The following TMOD3 variants were observed in gnomAD, a reference collection of about 807,000 sequenced individuals.
TMOD3 encodes the protein tropomodulin 3.
Under a neutral mutation model 39.2 loss-of-function variants are expected in TMOD3, and 20 were observed. That is an observed-to-expected ratio of 0.51 (90% confidence interval 0.36 to 0.74). The LOEUF is 0.74. Ranked by LOEUF, TMOD3 falls within the 30% of genes least tolerant of loss-of-function variation. TMOD3 has a pLI of 0.00. For missense variants in TMOD3, 381 were observed against 412.8 expected, an observed-to-expected ratio of 0.92 and a Z score of 0.67; for synonymous variants, 143 against 145.8, an observed-to-expected ratio of 0.98 and a Z score of 0.14.
chr15:51,847,688 G>T (rs2141673616), intron 1 of TMOD3, among the ~76,000 whole-genome samples: 1 of 152,300 alleles, frequency 6.6e-6, no homozygotes, highest in South Asian at 2.1e-4. Flanking sequence ...AGGGTCTGAA[G>T]CAGGAGGATC....
At chr15:51,878,368 TAAA>T (rs1374001812) in intron 3 of TMOD3, among the ~76,000 whole-genome samples, 3 of 105,250 alleles carry the variant, frequency 2.9e-5, no homozygotes, top group African/African-American at 1.1e-4. Flanking sequence ...ACCATCTCTT[TAAA>T]ATATATGTGT....
At chr15:51,890,169 ATTT>A (rs67190705) in intron 5 of TMOD3, among the ~76,000 whole-genome samples, 1 of 140,410 alleles carries the variant, frequency 7.1e-6, no homozygotes. Flanking sequence ...CTATTAGCTA[ATTT>A]TTTTTTTTTT....
rs1196875327 is a variant in TMOD3 at position 51,913,406 on chromosome 15, G to A, written c.*4596G>A. 1 of 152,136 alleles carries A rather than the reference G, an allele frequency of 6.6e-6. No individual in the cohort carries two copies. The highest frequency in any genetic ancestry group is 1.5e-5 in the Non-Finnish European group (1 of 68,020). 9.4% of individuals were successfully genotyped at this position (152,136 alleles called of 1,614,324 possible). A position where few individuals can be genotyped will look rare whatever the true frequency, so the allele number is the denominator to read the frequency against. On this transcript the variant is annotated 3_prime_UTR_variant, in exon 10 of 10. Transcript: ENST00000308580. ...TTTAGAATTTCAGATTTTCAGATTA[G>A]GGATGCTGAACTGGTGTAATGCCCA...
At chr15:51,846,238 G>A (rs2056335371) in intron 1 of TMOD3, among the ~76,000 whole-genome samples, 1 of 152,082 alleles carries the variant, frequency 6.6e-6, no homozygotes, top group African/African-American at 2.4e-5. Flanking sequence ...GGCTGAAGTG[G>A]GAGGATTGCT....
Position 51,913,711 on chromosome 15 carries a change from A to C in TMOD3, c.*4901A>C, listed in dbSNP as rs17706076. On this transcript the variant is annotated 3_prime_UTR_variant, in exon 10 of 10. Coordinates refer to ENST00000308580, the MANE Select transcript of TMOD3 (RefSeq NM_014547.5). The stretch of plus-strand genomic sequence containing the variant: ...TAACTAAGTATTTTGGAAAGCCTTC[A>C]TTAACACATAAAGAATTTTGGCCAA... 2 of 152,222 alleles carry C rather than the reference A, an allele frequency of 1.3e-5. No individual in the cohort carries two copies. The highest frequency in any genetic ancestry group is 2.4e-5 in the African/African-American group (1 of 41,470). 9.4% of individuals were successfully genotyped at this position (152,222 alleles called of 1,614,324 possible). A position where few individuals can be genotyped will look rare whatever the true frequency, so the allele number is the denominator to read the frequency against.
intron 1 of TMOD3, chr15:51,859,696 T>G (rs950507906): frequency 2.1e-5 from 10 of 484,438 alleles, no homozygotes; most frequent in Admixed American, 2.1e-4. Flanking sequence ...GCACAGAGTC[T>G]TCCTCAAAAA....
intron 7 of TMOD3, among the ~76,000 whole-genome samples, chr15:51,897,671 G>C (rs1313575739): frequency 6.7e-6 from 1 of 148,926 alleles, no homozygotes; most frequent in Non-Finnish European, 1.5e-5. Context: ...TTATAGTAGA[G>C]ATGTGGTTTC....
Position 51,912,488 on chromosome 15 carries a change from T to G in TMOD3, c.*3678T>G, listed in dbSNP as rs1287452394. On this transcript the variant is annotated 3_prime_UTR_variant, in exon 10 of 10. Transcript: ENST00000308580. ...TACTCATATCATATTGTACGTTATA[T>G]TTAACTCTTGCTGTCATTAAAATAA... The G allele has an allele frequency of 2.0e-5, 3 of 152,118 alleles. No individual in the cohort carries two copies. Among genetic ancestry groups the G allele is most frequent in the Non-Finnish European group, 4.4e-5 (3 of 68,028 alleles). 9.4% of individuals were successfully genotyped at this position (152,118 alleles called of 1,614,324 possible).
chr15:51,898,460 T>C (rs1234512604), intron 7 of TMOD3, among the ~76,000 whole-genome samples: 1 of 152,222 alleles, frequency 6.6e-6, no homozygotes, highest in Non-Finnish European at 1.5e-5. Flanking sequence ...TTGCTTACTT[T>C]TATTATCTGT....
chr15:51,832,787 G>A (rs1042428235), intron 1 of TMOD3, among the ~76,000 whole-genome samples: 1 of 152,248 alleles, frequency 6.6e-6, no homozygotes, highest in African/African-American at 2.4e-5. Context: ...GGAGGATCCA[G>A]TAAACAGTAG....
chr15:51,842,633 G>A (rs1360889639), intron 1 of TMOD3, among the ~76,000 whole-genome samples: 1 of 152,148 alleles, frequency 6.6e-6, no homozygotes, highest in Non-Finnish European at 1.5e-5. Flanking sequence ...TCAAGGTAGT[G>A]GGGCAGTGTC....
intron 1 of TMOD3, among the ~76,000 whole-genome samples, chr15:51,845,410 C>T (rs1411817218): frequency 6.6e-6 from 1 of 152,162 alleles, no homozygotes; most frequent in Non-Finnish European, 1.5e-5. Context: ...TAGATCCGCT[C>T]ACCCTCAGTC....
intron 7 of TMOD3, among the ~76,000 whole-genome samples, chr15:51,897,789 A>C (rs970882090): frequency 6.6e-6 from 1 of 150,848 alleles, no homozygotes; most frequent in African/African-American, 2.4e-5. Context: ...AGCAAAAAAA[A>C]AAAAAAAAAC....
At chr15:51,832,084 G>A (rs895179245) in intron 1 of TMOD3, among the ~76,000 whole-genome samples, 16 of 151,528 alleles carry the variant, frequency 1.1e-4, no homozygotes, top group African/African-American at 3.2e-4. Context: ...AGGAGGCTGA[G>A]GCAGGAGGAT....
intron 3 of TMOD3, among the ~76,000 whole-genome samples, chr15:51,879,401 T>C (rs936453464): frequency 2.6e-5 from 4 of 152,036 alleles, no homozygotes; most frequent in African/African-American, 9.7e-5. Flanking sequence ...AGTTTCCTAC[T>C]AGGTAAAGAA....
chr15:51,847,938 G>A (rs2056343850), intron 1 of TMOD3, among the ~76,000 whole-genome samples: 1 of 152,128 alleles, frequency 6.6e-6, no homozygotes, highest in African/African-American at 2.4e-5. Flanking sequence ...TTAGGAGGTG[G>A]GGCCTTTGAG....
At chr15:51,900,360 GCGA>G in intron 8 of TMOD3, 62 bp downstream of exon 8, 1 of 1,581,472 alleles carries the variant, frequency 6.3e-7, no homozygotes, top group African/African-American at 1.4e-5. Context: ...GTAGGGCTTG[GCGA>G]CTCAGGATGG....
At chr15:51,887,929 G>A (rs1174773571) in intron 4 of TMOD3, among the ~76,000 whole-genome samples, 2 of 152,164 alleles carry the variant, frequency 1.3e-5, no homozygotes, top group Non-Finnish European at 2.9e-5. Flanking sequence ...TTAAGAAAAT[G>A]TATTGTATTG....
chr15:51,830,036 C>A (rs1415726651), intron 1 of TMOD3, among the ~76,000 whole-genome samples, 200 bp downstream of exon 1: 3 of 151,984 alleles, frequency 2.0e-5, no homozygotes, highest in Non-Finnish European at 4.4e-5. Context: ...GGACGTGGGG[C>A]GCGCTGGGCG....
Sources: gnomAD v4.1 joint callset for allele counts (sites outside exome capture counted in the v4.1 genomes callset) on GRCh38, gnomAD v4.1.1 for gene constraint, MANE v1.5 for transcripts, NCBI Gene and HGNC (gene_info 2026-07-23, HGNC 2026-07-21) for gene names.